Variants in MYO1E observed in about 807,000 individuals in gnomAD.
MYO1E encodes unconventional myosin-Ie.
A neutral mutation model predicts 151.1 loss-of-function variants in MYO1E; 68 were observed. That is an observed-to-expected ratio of 0.45 (90% CI 0.37 to 0.55). MYO1E has a LOEUF of 0.55. MYO1E is among the 20% of genes least tolerant of loss of function. The pLI is 0.00. For missense variants in MYO1E, 1,363 were observed against 1,389.3 expected, an observed-to-expected ratio of 0.98 and a Z score of 0.30; for synonymous variants, 601 against 501.7, an observed-to-expected ratio of 1.20 and a Z score of -2.64.
intron 1 of MYO1E, among the ~76,000 whole-genome samples, chr15:59,282,773 A>G (rs2140390306): frequency 6.8e-6 from 1 of 147,606 alleles, no homozygotes; most frequent in East Asian, 2.0e-4. Flanking sequence ...GCTTAAGCTC[A>G]GGAGGTCAAG....
intron 1 of MYO1E, among the ~76,000 whole-genome samples, chr15:59,336,666 AG>A (rs1465877663): frequency 2.6e-5 from 4 of 152,080 alleles, no homozygotes; most frequent in Non-Finnish European, 5.9e-5. Context: ...TTTGTTACAT[AG>A]GTATACACGT....
rs145811891 is a variant in MYO1E, at chr15:59,159,798, G to A, written c.2785+1275C>T. 1.3e-5 allele frequency among the ~76,000 whole-genome samples: 2 copies of A among 152,328 alleles called. No individual in the cohort carries two copies. Among genetic ancestry groups the A allele is most frequent in the Admixed American group, 1.3e-4 (2 of 15,308 alleles). ...GCTGGTATTGTATTAATATGTTAGA[G>A]AACATGTTAAGGTGTACCTTTGCAG... On this transcript the variant is annotated intron_variant, in intron 24 of 27. Coordinates refer to ENST00000288235, the MANE Select transcript of MYO1E (RefSeq NM_004998.4). The surrounding 1 kb of genome is among the most constrained non-coding windows in gnomAD (Gnocchi z 4.4).
chr15:59,317,800 G>C (rs377384831), intron 1 of MYO1E, among the ~76,000 whole-genome samples: 2 of 152,200 alleles, frequency 1.3e-5, no homozygotes, highest in African/African-American at 4.8e-5. Flanking sequence ...GTGTGACAGA[G>C]CGAGGGCGTG....
At chr15:59,168,882 A>T (rs981394652) in intron 22 of MYO1E, among the ~76,000 whole-genome samples, 3 of 152,192 alleles carry the variant, frequency 2.0e-5, no homozygotes, top group African/African-American at 7.2e-5. Flanking sequence ...TTGGTCTCCC[A>T]AAGTGCTGGG....
chr15:59,144,444 G>T lies in MYO1E; in HGVS notation c.3081-6077C>A, dbSNP rs551095995. The stretch of plus-strand genomic sequence containing the variant: ...AGCCTCCCAAAGTGCTGGGATTACA[G>T]TTGTGAGCCAATGCGCCCGGCCTCT... On this transcript the variant is annotated intron_variant, in intron 26 of 27. Transcript: ENST00000288235. Among the ~76,000 whole-genome samples the T allele has an allele frequency of 1.4e-4, 22 of 152,270 alleles. No individual in the cohort carries two copies. In the South Asian group the frequency reaches 3.3e-3, roughly 23 times the overall value.
intron 19 of MYO1E, 96 bp from the exon 20 acceptor site, chr15:59,174,336 A>G: frequency 1.2e-6 from 1 of 859,534 alleles, no homozygotes; most frequent in Non-Finnish European, 2.0e-6. Context: ...AGTTTAGACA[A>G]TGACACACAC....
rs1307120210 is a variant in MYO1E at position 59,174,083 on chromosome 15, CTT to C, written c.2164+41_2164+42del. On this transcript the variant is annotated intron_variant, in intron 20 of 27. Transcript: ENST00000288235. ...AACTTCACTTAAGCTCCAATTTACT[CTT>C]CAGATTTATTAAAATCAATGAAACA... The C allele has an allele frequency of 3.8e-6, 6 of 1,560,836 alleles. No individual in the cohort carries two copies. The Admixed American group carries it at 8.3e-5, about 22-fold the overall frequency.
chr15:59,349,001 A>T (rs2080809430), intron 1 of MYO1E: 1 of 152,210 alleles, frequency 6.6e-6, no homozygotes, highest in South Asian at 2.1e-4. Context: ...TGCATGAGGT[A>T]AGAACATTTC....
At position 59,223,205 on chromosome 15, in the gene MYO1E, G is replaced by A; in HGVS notation, c.778-14C>T. The A allele has an allele frequency of 6.2e-7, 1 of 1,612,444 alleles. No individual in the cohort carries two copies. On this transcript the variant is annotated splice_polypyrimidine_tract_variant and intron_variant, in intron 8 of 27. Coordinates refer to ENST00000288235, the MANE Select transcript of MYO1E (RefSeq NM_004998.4). ...ATTCATGGCGTGCTGGAAGAGAAAAGAGAAACTATCCAGAGAAGCTGGTCA... is the reference window on the plus strand; with the variant it reads ...ATTCATGGCGTGCTGGAAGAGAAAAAAGAAACTATCCAGAGAAGCTGGTCA...
chr15:59,185,036 A>G (rs1243021276), intron 18 of MYO1E, among the ~76,000 whole-genome samples: 3 of 152,150 alleles, frequency 2.0e-5, no homozygotes, highest in African/African-American at 7.2e-5. Context: ...CTGATGATCA[A>G]TGATATTGAA....
At chr15:59,209,854 T>C (rs113495993) in intron 13 of MYO1E, among the ~76,000 whole-genome samples, 8,037 of 113,236 alleles carry the variant, frequency 0.071, 613 homozygotes, top group African/African-American at 0.16. Context: ...TTTTGAGACA[T>C]GGTCTTGCCT....
intron 1 of MYO1E, among the ~76,000 whole-genome samples, chr15:59,284,373 A>G (rs1346934167): frequency 2.6e-5 from 4 of 152,232 alleles, no homozygotes; most frequent in African/African-American, 9.6e-5. Flanking sequence ...CCCTAAACAC[A>G]GTTCTCCTTC....
At chr15:59,244,280 A>G (rs1195398052) in intron 4 of MYO1E, among the ~76,000 whole-genome samples, 2 of 152,254 alleles carry the variant, frequency 1.3e-5, no homozygotes, top group East Asian at 3.8e-4. Flanking sequence ...ATGCAGTCAG[A>G]GGAACCCAAT....
chr15:59,156,971 C>T (rs2079512816), intron 25 of MYO1E, among the ~76,000 whole-genome samples: 1 of 151,978 alleles, frequency 6.6e-6, no homozygotes, highest in Admixed American at 6.6e-5. Context: ...ACTTTCAATC[C>T]CAACACTTTG....
intron 19 of MYO1E, among the ~76,000 whole-genome samples, chr15:59,176,957 T>C (rs920229005): frequency 2.0e-5 from 3 of 152,120 alleles, no homozygotes; most frequent in African/African-American, 7.2e-5. Flanking sequence ...AAAATAAATC[T>C]TGATTTTGAA....
chr15:59,222,198 T>C (rs2079960361), intron 9 of MYO1E, among the ~76,000 whole-genome samples: 1 of 152,222 alleles, frequency 6.6e-6, no homozygotes, highest in African/African-American at 2.4e-5. Context: ...GGAATGGAAA[T>C]ATCCCCACTG....
chr15:59,174,564 C>T (rs984863690), intron 19 of MYO1E, among the ~76,000 whole-genome samples: 6 of 152,102 alleles, frequency 3.9e-5, no homozygotes, highest in Non-Finnish European at 5.9e-5. Context: ...TTATTCCCCA[C>T]CTTGATCCAA....
chr15:59,297,667 G>A (rs1307225105), intron 1 of MYO1E, among the ~76,000 whole-genome samples: 1 of 151,642 alleles, frequency 6.6e-6, no homozygotes, highest in East Asian at 1.9e-4. Context: ...CTGCCACCTC[G>A]ACCTCCTGGG....
At chr15:59,297,140 C>A (rs1341745042) in intron 1 of MYO1E, among the ~76,000 whole-genome samples, 1 of 151,450 alleles carries the variant, frequency 6.6e-6, no homozygotes, top group Admixed American at 6.6e-5. Flanking sequence ...GCGCGAGCCA[C>A]CGCACCCGGC....
Sources: allele counts gnomAD v4.1 joint callset (sites outside exome capture counted in the v4.1 genomes callset), GRCh38; gene constraint gnomAD v4.1.1; non-coding constraint Gnocchi (gnomAD v3.1); transcripts MANE v1.5; gene names NCBI Gene and HGNC (gene_info 2026-07-23, HGNC 2026-07-21).